The following CDCA7L variants were observed in gnomAD, a reference collection of about 807,000 sequenced individuals.
CDCA7L encodes cell division cycle-associated 7-like protein.
In CDCA7L, 44 loss-of-function variants were observed where a neutral mutation model predicts 57.4. That is an observed-to-expected ratio of 0.77 (90% confidence interval 0.60 to 0.98). The LOEUF is 0.98. CDCA7L is among the 50% of genes least tolerant of loss of function. The probability of loss-of-function intolerance (pLI) is 0.00; values close to 1 mark genes in which losing one functional copy is unlikely to be tolerated. For missense variants in CDCA7L, 644 were observed against 580.6 expected, an observed-to-expected ratio of 1.11 and a Z score of -1.12; for synonymous variants, 236 against 202.8, an observed-to-expected ratio of 1.16 and a Z score of -1.39.
intron 2 of CDCA7L, among the ~76,000 whole-genome samples, chr7:21,912,725 G>A (rs1785371079): frequency 1.3e-5 from 2 of 152,278 alleles, no homozygotes; most frequent in Middle Eastern, 3.4e-3. Flanking sequence ...GGGGCCTGAT[G>A]GAAAGCTCAT....
At chr7:21,920,301 G>A (rs575472063) in intron 1 of CDCA7L, among the ~76,000 whole-genome samples, 1 of 152,330 alleles carries the variant, frequency 6.6e-6, no homozygotes, top group East Asian at 1.9e-4. Flanking sequence ...ACAGAGTTGT[G>A]TATTCAAAAG....
At chr7:21,933,662 G>T (rs1448255025) in intron 1 of CDCA7L, among the ~76,000 whole-genome samples, 1 of 152,144 alleles carries the variant, frequency 6.6e-6, no homozygotes, top group Non-Finnish European at 1.5e-5. Flanking sequence ...GGGGTTGGGG[G>T]ACTAGAGGAG....
chr7:21,930,697 CAAAAAAAAAAAAA>C (rs56701381), intron 1 of CDCA7L, among the ~76,000 whole-genome samples: 5 of 51,790 alleles, frequency 9.7e-5, no homozygotes, highest in South Asian at 8.5e-4. Context: ...GACTCCGTCT[CAAAAAAAAAAAAA>C]AAAAAAAAAA....
intron 7 of CDCA7L, among the ~76,000 whole-genome samples, 183 bp downstream of exon 7, chr7:21,905,323 G>T (rs1035458612): frequency 4.2e-4 from 64 of 152,068 alleles, no homozygotes; most frequent in African/African-American, 1.3e-3. Flanking sequence ...GTCCAGATGG[G>T]AATTACTGCA....
chr7:21,937,441 C>T (rs942520326), intron 1 of CDCA7L, among the ~76,000 whole-genome samples: 1 of 151,980 alleles, frequency 6.6e-6, no homozygotes, highest in African/African-American at 2.4e-5. Context: ...TTCAGACCAC[C>T]CTGGGCAACA....
At chr7:21,936,915 C>A (rs976523919) in intron 1 of CDCA7L, among the ~76,000 whole-genome samples, 1 of 152,118 alleles carries the variant, frequency 6.6e-6, no homozygotes, top group Non-Finnish European at 1.5e-5. Flanking sequence ...GTAGAGAACA[C>A]TAGAGATTAC....
chr7:21,931,561 T>G (rs1303019982), intron 1 of CDCA7L, among the ~76,000 whole-genome samples: 1 of 152,144 alleles, frequency 6.6e-6, no homozygotes, highest in Non-Finnish European at 1.5e-5. Context: ...GAAAAGGCCG[T>G]CAATAAAATT....
In CDCA7L at chr7:21,905,640, T is replaced by C. The variant is rs909270224; in HGVS notation, c.922-9A>G. On this transcript the variant is annotated splice_polypyrimidine_tract_variant and intron_variant, in intron 6 of 9. Transcript: ENST00000406877. ...TACTCCCGGCATTTCCCCTGCACAA[T>C]GAACACAAGCAGAACATGGAGATGT... 1.2e-6 allele frequency: 2 copies of C among 1,612,660 alleles called. No homozygotes were observed. The highest frequency in any genetic ancestry group is 3.3e-5 in the Admixed American group (2 of 59,882).
chr7:21,937,163 A>T (rs750040794), intron 1 of CDCA7L, among the ~76,000 whole-genome samples: 2 of 152,226 alleles, frequency 1.3e-5, no homozygotes, highest in African/African-American at 4.8e-5. Context: ...GAAATGGAGA[A>T]CCATCCCATG....
chr7:21,921,163 G>C (rs77971788), intron 1 of CDCA7L, among the ~76,000 whole-genome samples: 1 of 152,044 alleles, frequency 6.6e-6, no homozygotes, highest in African/African-American at 2.4e-5. Flanking sequence ...TCCTCCTTCT[G>C]CATCTTTGAC....
At chr7:21,937,126 A>G (rs1235110070) in intron 1 of CDCA7L, among the ~76,000 whole-genome samples, 1 of 152,220 alleles carries the variant, frequency 6.6e-6, no homozygotes, top group African/African-American at 2.4e-5. Flanking sequence ...TGAAAACTAC[A>G]TCCCCGAAAA....
chr7:21,902,532 C>G lies in CDCA7L; in HGVS notation c.1335-180G>C, dbSNP rs1583835163. On this transcript the variant is annotated intron_variant, in intron 9 of 9. Coordinates refer to ENST00000406877, the MANE Select transcript of CDCA7L (RefSeq NM_018719.5). ...ACCCTCTGGTGTAGTACGCCCCAAGCATGACTTGCCTCACTCCCGCATTCC... is the reference window on the plus strand; with the variant it reads ...ACCCTCTGGTGTAGTACGCCCCAAGGATGACTTGCCTCACTCCCGCATTCC... The G allele has an allele frequency of 1.1e-5, 7 of 619,384 alleles. No homozygotes were observed. In the East Asian group the frequency reaches 1.9e-4, roughly 17 times the overall value. 38.4% of individuals were successfully genotyped at this position (619,384 alleles called of 1,614,324 possible). A position where few individuals can be genotyped will look rare whatever the true frequency, so the allele number is the denominator to read the frequency against.
intron 3 of CDCA7L, among the ~76,000 whole-genome samples, chr7:21,911,152 C>G (rs1316936955): frequency 6.6e-6 from 1 of 150,902 alleles, no homozygotes; most frequent in Non-Finnish European, 1.5e-5. Context: ...GCCTCCGCCT[C>G]CCGAGTAGCT....
chr7:21,905,514 T>C lies in CDCA7L; in HGVS notation c.1039A>G (p.Lys347Glu). ...AITVRDKIYD[K>E]VLGNTCHQCR... is the part of the protein sequence containing the mutation. ...ATTAATGTATACTTTACCAGAACTT[T>C]ATCATAGATTTTATCTCGAACAGTT... The change falls in exon 7 of 10, where the codon AAA becomes GAA. Residue 347 changes from lysine to glutamate, a missense_variant. Physicochemically the swap from Lys to Glu is moderately conservative, Grantham distance 56 (BLOSUM62 1). Coordinates refer to ENST00000406877, the MANE Select transcript of CDCA7L (RefSeq NM_018719.5). 1.2e-6 allele frequency: 2 copies of C among 1,613,644 alleles called. No homozygotes were observed. Among genetic ancestry groups the C allele is most frequent in the Non-Finnish European group, 1.7e-6 (2 of 1,179,864 alleles).
At position 21,903,052 on chromosome 7, in the gene CDCA7L, G is replaced by A. The variant is rs1015578923; in HGVS notation, c.1260C>T (p.Gly420=). ...CNCSYCRKRD[G]RCATGILIHL... is the part of the protein sequence containing the mutation. ...GAATGAGGATTCCTGTGGCACAGCG[G>A]CCGTCACGCTTCCGACAGTAGCTGC... The change falls in exon 9 of 10, where the codon GGC becomes GGT. Residue 420 remains glycine, a synonymous_variant. Coordinates refer to ENST00000406877, the MANE Select transcript of CDCA7L (RefSeq NM_018719.5). 12 of 1,613,872 alleles carry A rather than the reference G, an allele frequency of 7.4e-6. No homozygotes were observed. Among genetic ancestry groups the A allele is most frequent in the African/African-American group, 6.7e-5 (5 of 74,918 alleles).
Position 21,901,934 on chromosome 7 carries a change from T to TTGGCCTGGAGTGAGTTACTG in CDCA7L, c.*368_*387dup, listed in dbSNP as rs564669010. ...TGTGGTCACTCGTGCTAAGGCACAC[T>TTGGCCTGGAGTGAGTTACTG]TGGCCTGGAGTGAGTTACTGTTTGG... On this transcript the variant is annotated 3_prime_UTR_variant, in exon 10 of 10. Transcript: ENST00000406877. 2.1e-3 allele frequency: 509 copies of TTGGCCTGGAGTGAGTTACTG among 242,072 alleles called. No individual in the cohort carries two copies. The highest frequency in any genetic ancestry group is 0.011 in the African/African-American group (475 of 44,634). The allele number at this position is 242,072 out of a possible 1,614,324, so 15.0% of individuals were successfully genotyped here. A position where few individuals can be genotyped will look rare whatever the true frequency, so the allele number is the denominator to read the frequency against.
chr7:21,918,190 T>A (rs1344879833), intron 1 of CDCA7L, among the ~76,000 whole-genome samples: 13 of 152,222 alleles, frequency 8.5e-5, no homozygotes, highest in Non-Finnish European at 4.4e-5. Context: ...TAGTAATTTT[T>A]AAAAAATTTT....
chr7:21,939,221 G>A (rs1319676547), intron 1 of CDCA7L, among the ~76,000 whole-genome samples: 1 of 152,138 alleles, frequency 6.6e-6, no homozygotes, highest in Non-Finnish European at 1.5e-5. Context: ...TAATTGTTTA[G>A]TAGGTAGAGA....
At chr7:21,916,666 A>G (rs1451905249) in intron 2 of CDCA7L, 88 bp downstream of exon 2, 19 of 1,227,098 alleles carry the variant, frequency 1.5e-5, no homozygotes, top group Non-Finnish European at 1.8e-5. Flanking sequence ...GATATCACCA[A>G]TCTCACACCA....
Sources: allele counts gnomAD v4.1 joint callset (sites outside exome capture counted in the v4.1 genomes callset), GRCh38; gene constraint gnomAD v4.1.1; transcripts MANE v1.5; gene names NCBI Gene and HGNC (gene_info 2026-07-23, HGNC 2026-07-21).